The following DDX49 variants were observed in gnomAD, a reference collection of about 807,000 sequenced individuals.
The protein encoded by DDX49 is DEAD-box helicase 49.
Under a neutral mutation model 56.3 loss-of-function variants are expected in DDX49, and 50 were observed. The observed-to-expected ratio is 0.89, with a 90% CI of 0.71 to 1.12. The LOEUF (loss-of-function observed/expected upper bound fraction) is 1.12. Among genes scored for constraint, DDX49 ranks in the 50% most tolerant of loss-of-function variants. The probability of loss-of-function intolerance (pLI) is 0.00; values close to 1 mark genes in which losing one functional copy is unlikely to be tolerated. For synonymous variants in DDX49, 269 were observed against 270.6 expected, an observed-to-expected ratio of 0.99 and a Z score of 0.06; for missense variants, 614 against 650.5, an observed-to-expected ratio of 0.94 and a Z score of 0.61.
At chr19:18,921,796 G>A (rs779880790) in intron 3 of DDX49, 47 bp from the exon 4 acceptor site, 56 of 1,613,958 alleles carry the variant, frequency 3.5e-5, no homozygotes, top group Non-Finnish European at 4.4e-5. Context: ...GACCCTAGCA[G>A]CTTTGGACCA....
In DDX49 at chr19:18,927,947, C is replaced by G. The variant is rs1343013975; in HGVS notation, c.1192-18C>G. Reference sequence around the variant, plus strand: ...GCCCCCGTGACCAGCATCTCCTTACCCCACTTCCCTCCACCAGAAACTGGA... The same window carrying G: ...GCCCCCGTGACCAGCATCTCCTTACGCCACTTCCCTCCACCAGAAACTGGA... On this transcript the variant is annotated intron_variant, in intron 11 of 12. Coordinates refer to ENST00000247003, the MANE Select transcript of DDX49 (RefSeq NM_019070.5). 1.2e-6 allele frequency: 2 copies of G among 1,613,972 alleles called. No individual in the cohort carries two copies. The highest frequency in any genetic ancestry group is 1.7e-5 in the Admixed American group (1 of 59,994).
chr19:18,919,733 G>C lies in DDX49; in HGVS notation c.-9G>C. ...CCCCTACAAGGGGCCCCTACAAGCG[G>C]CCACAAGGATGGCAGGCTTCGCGGA... is the stretch of plus-strand genomic sequence containing the variant. On this transcript the variant is annotated 5_prime_UTR_variant, in exon 1 of 13. Coordinates refer to ENST00000247003, the MANE Select transcript of DDX49 (RefSeq NM_019070.5). 1 of 1,607,444 alleles carries C rather than the reference G, an allele frequency of 6.2e-7. No homozygotes were observed.
At position 18,919,726 on chromosome 19, in the gene DDX49, A is replaced by G. The variant is rs201138759; in HGVS notation, c.-16A>G. ...ACACGGGCCCCTACAAGGGGCCCCT[A>G]CAAGCGGCCACAAGGATGGCAGGCT... On this transcript the variant is annotated 5_prime_UTR_variant, in exon 1 of 13. Transcript: ENST00000247003. The G allele has an allele frequency of 6.5e-5, 105 of 1,604,470 alleles. No individual in the cohort carries two copies. The East Asian group carries it at 2.4e-3, about 36-fold the overall frequency.
chr19:18,927,957 T>G lies in DDX49; in HGVS notation c.1192-8T>G, dbSNP rs1199805358. 1.1e-5 allele frequency: 17 copies of G among 1,613,516 alleles called. No homozygotes were observed. The highest frequency in any genetic ancestry group is 1.4e-5 in the Non-Finnish European group (17 of 1,179,906). On this transcript the variant is annotated splice_polypyrimidine_tract_variant and splice_region_variant and intron_variant, in intron 11 of 12. Transcript: ENST00000247003. ...CCAGCATCTCCTTACCCCACTTCCC[T>G]CCACCAGAAACTGGAGGCGGCCCAC...
chr19:18,928,201 A>AG lies in DDX49; in HGVS notation c.1339dup (p.Val447GlyfsTer54). On this transcript the variant is annotated frameshift_variant, in exon 13 of 13. Transcript: ENST00000247003. LOFTEE classifies it low-confidence loss of function (END_TRUNC). Reference sequence around the variant, plus strand: ...CAGAAGAACCGGCGCTTCAAGGAGAAGGTGGAGGAGACGCTGAAGCGACAG... The same window carrying AG: ...CAGAAGAACCGGCGCTTCAAGGAGAAGGGTGGAGGAGACGCTGAAGCGACAG... 2 of 1,586,272 alleles carry AG rather than the reference A, an allele frequency of 1.3e-6. No homozygotes were observed. Among genetic ancestry groups the AG allele is most frequent in the South Asian group, 2.3e-5 (2 of 88,068 alleles).
chr19:18,923,960 A>C (rs2056939523), intron 6 of DDX49, among the ~76,000 whole-genome samples: 1 of 151,892 alleles, frequency 6.6e-6, no homozygotes, highest in Non-Finnish European at 1.5e-5. Flanking sequence ...GTCATACACC[A>C]TCATGCCCGG....
Position 18,919,766 on chromosome 19 carries a change from C to A in DDX49, c.25C>A (p.Leu9Met), listed in dbSNP as rs1440026067. ...GATGGCAGGCTTCGCGGAGCTCGGG[C>A]TGTCATCGTGGCTCGTGGAACAATG... MAGFAELG[L>M]SSWLVEQCRQ... The change falls in exon 1 of 13, where the codon CTG becomes ATG. Residue 9 changes from leucine to methionine, a missense_variant. Coordinates refer to ENST00000247003, the MANE Select transcript of DDX49 (RefSeq NM_019070.5). 1.2e-6 allele frequency: 2 copies of A among 1,612,234 alleles called. No individual in the cohort carries two copies.
intron 4 of DDX49, 28 bp from the exon 5 acceptor site, chr19:18,922,298 C>T: frequency 6.2e-7 from 1 of 1,600,534 alleles, no homozygotes; most frequent in Non-Finnish European, 8.5e-7. Flanking sequence ...GGACGGCACC[C>T]TCACCCCTGC....
At position 18,924,695 on chromosome 19, in the gene DDX49, T is replaced by G; in HGVS notation, c.925T>G (p.Ser309Ala). 1 of 1,614,178 alleles carries G rather than the reference T, an allele frequency of 6.2e-7. No individual in the cohort carries two copies. Among genetic ancestry groups the G allele is most frequent in the South Asian group, 1.1e-5 (1 of 91,084 alleles). ...YRILIATDVA[S>A]RGLDIPTVQV... ...GATCCTGATCGCAACAGACGTGGCCTCCCGGTGAGCAGCCCCCAGTCTCCT... is the reference window on the plus strand; with the variant it reads ...GATCCTGATCGCAACAGACGTGGCCGCCCGGTGAGCAGCCCCCAGTCTCCT... Residue 309 changes from serine (S) to alanine (A), a missense_variant, in exon 8 of 13, where the codon TCC becomes GCC. Ser to Ala is a moderately conservative substitution (Grantham distance 99, BLOSUM62 1). Coordinates refer to ENST00000247003, the MANE Select transcript of DDX49 (RefSeq NM_019070.5).
intron 6 of DDX49, 70 bp from the exon 7 acceptor site, chr19:18,924,163 G>A (rs574523833): frequency 1.9e-5 from 28 of 1,484,562 alleles, no homozygotes; most frequent in Admixed American, 6.7e-5. Flanking sequence ...TCTCAGGGGC[G>A]GGTGGGGGCA....
intron 4 of DDX49, 78 bp downstream of exon 4, chr19:18,922,042 A>C: frequency 6.6e-7 from 1 of 1,525,452 alleles, no homozygotes; most frequent in Non-Finnish European, 8.8e-7. Flanking sequence ...CTGGGGCACC[A>C]TCTCATCCAT....
At chr19:18,926,276 T>C (rs2056959782) in intron 9 of DDX49, 27 bp from the exon 10 acceptor site, 10 of 1,562,410 alleles carry the variant, frequency 6.4e-6, no homozygotes, top group African/African-American at 1.4e-5. Flanking sequence ...GCCCAGCACA[T>C]AGCAGATAAC....
chr19:18,922,886 C>A, intron 6 of DDX49, 142 bp downstream of exon 6: 1 of 1,113,054 alleles, frequency 9.0e-7, no homozygotes, highest in Non-Finnish European at 1.3e-6. Flanking sequence ...CCTCAAGGAG[C>A]CAAGGTCCCT....
At chr19:18,927,070 CAAAA>C (rs35034273) in intron 10 of DDX49, among the ~76,000 whole-genome samples, 9 of 74,778 alleles carry the variant, frequency 1.2e-4, no homozygotes, top group Admixed American at 4.6e-4. Context: ...GACTCTGTCT[CAAAA>C]AAAAAAAAAA....
chr19:18,926,599 G>C (rs1365759433), intron 10 of DDX49, among the ~76,000 whole-genome samples: 1 of 152,176 alleles, frequency 6.6e-6, no homozygotes, highest in African/African-American at 2.4e-5. Flanking sequence ...AGCCACATCA[G>C]TCAGGAGGGG....
At chr19:18,926,402 A>ATTTT in intron 10 of DDX49, 25 bp downstream of exon 10, 1 of 495,354 alleles carries the variant, frequency 2.0e-6, no homozygotes. Context: ...GGTGGGTGGT[A>ATTTT]GAGAAGGAGG....
Position 18,921,692 on chromosome 19 carries a change from TC to T in DDX49, c.271del (p.Arg91GlyfsTer7). On this transcript the variant is annotated frameshift_variant, in exon 3 of 13. Transcript: ENST00000247003. LOFTEE classifies it high-confidence loss of function. Reference protein sequence around the residue: ...RELAYQIAEQFRVLGKPLGLK... With the variant: ...RELAYQIAEQXRVLGKPLGLK... ...CTGGCCTACCAGATCGCAGAGCAGT[TC>T]CGGGTCCTGGGGAAGCCTCTAGGGC... 3.7e-6 allele frequency: 6 copies of T among 1,614,036 alleles called. No homozygotes were observed. Among genetic ancestry groups the T allele is most frequent in the Non-Finnish European group, 4.2e-6 (5 of 1,179,988 alleles).
At position 18,920,583 on chromosome 19, in the gene DDX49, G is replaced by C. The variant is rs1264447879; in HGVS notation, c.119G>C (p.Arg40Pro). Residue 40 changes from arginine to proline, a missense_variant, in exon 2 of 13, where the codon CGA becomes CCA. Arg to Pro is a moderately radical substitution (Grantham distance 103). Transcript: ENST00000247003. ...LGCIPAILEG[R>P]DCLGCAKTGS... is the part of the protein sequence containing the mutation. ...TGCTGCTTTGTCCCCAACCCAGGTC[G>C]AGACTGCTTGGGCTGTGCTAAGACA... The C allele has an allele frequency of 6.3e-7, 1 of 1,595,772 alleles. No homozygotes were observed. The highest frequency in any genetic ancestry group is 2.3e-5 in the East Asian group (1 of 44,300).
rs938935724 is a variant in DDX49 at position 18,928,402 on chromosome 19, C to T, written c.*86C>T. ...CTTCCTTGGGGGCAGCAGCCCTTCC[C>T]GGGGGCCTACCCAGTGCCCCACAGC... On this transcript the variant is annotated 3_prime_UTR_variant, in exon 13 of 13. Coordinates refer to ENST00000247003, the MANE Select transcript of DDX49 (RefSeq NM_019070.5). 3.1e-5 allele frequency: 41 copies of T among 1,338,154 alleles called. No individual in the cohort carries two copies. Among genetic ancestry groups the T allele is most frequent in the Admixed American group, 1.1e-4 (4 of 35,368 alleles). The allele number at this position is 1,338,154 out of a possible 1,614,324, so 82.9% of individuals were successfully genotyped here.
Sources: allele counts gnomAD v4.1 joint callset (sites outside exome capture counted in the v4.1 genomes callset), GRCh38; gene constraint gnomAD v4.1.1; transcripts MANE v1.5; gene names NCBI Gene and HGNC (gene_info 2026-07-23, HGNC 2026-07-21).